Variants in LMBR1L observed in about 807,000 individuals in gnomAD.
The protein encoded by LMBR1L is limb development membrane protein 1 like.
A neutral mutation model predicts 67.3 loss-of-function variants in LMBR1L; 47 were observed. That is an observed-to-expected ratio of 0.70 (90% CI 0.55 to 0.89). LMBR1L has a LOEUF of 0.89. Among genes scored for constraint, LMBR1L ranks in the 40% least tolerant of loss-of-function variants. LMBR1L has a pLI of 0.00. For missense variants in LMBR1L, 533 were observed against 599.2 expected, an observed-to-expected ratio of 0.89 and a Z score of 1.15; for synonymous variants, 247 against 250.3, an observed-to-expected ratio of 0.99 and a Z score of 0.13.
intron 5 of LMBR1L, chr12:49,104,069 C>CCA (rs1565593148): frequency 6.0e-6 from 3 of 496,698 alleles, no homozygotes; most frequent in African/African-American, 5.8e-5. Context: ...GGCTGACCTC[C>CCA]GAGGTCTGCA....
At position 49,104,821 on chromosome 12, in the gene LMBR1L, T is replaced by C. The variant is rs749138304; in HGVS notation, c.256A>G (p.Ile86Val). 1 of 1,613,740 alleles carries C rather than the reference T, an allele frequency of 6.2e-7. No homozygotes were observed. The highest frequency in any genetic ancestry group is 1.1e-5 in the South Asian group (1 of 91,000). ...GAGAGCAGCACCTCATTGCTGATGA[T>C]GGAGAAGGGCAGGAGCAGGACAGCA... ...LGAVLLLPFSIISNEVLLSLP... is the reference protein window; with the variant it reads ...LGAVLLLPFSVISNEVLLSLP... The change falls in exon 4 of 17, where the codon ATC becomes GTC. Residue 86 changes from isoleucine (I) to valine (V), a missense_variant. Physicochemically the swap from Ile to Val is conservative, Grantham distance 29. Around this residue, in one of 3 missense-constraint regions of LMBR1L, gnomAD observed 246 missense variants for 249.0 expected, o/e 0.99. Transcript: ENST00000267102.
rs368949336 is a variant in LMBR1L, at chr12:49,101,533, A to G, written c.947T>C (p.Ile316Thr). 34 of 1,613,542 alleles carry G rather than the reference A, an allele frequency of 2.1e-5. No homozygotes were observed. Among genetic ancestry groups the G allele is most frequent in the South Asian group, 3.3e-5 (3 of 90,974 alleles). Residue 316 changes from isoleucine (I) to threonine (T), a missense_variant, in exon 12 of 17, where the codon ATT (isoleucine) becomes ACT (threonine). Ile to Thr is a moderately conservative substitution (Grantham distance 89). Around this residue, in one of 3 missense-constraint regions of LMBR1L, gnomAD observed 223 missense variants for 241.2 expected, o/e 0.92. Transcript: ENST00000267102. ...CAGCTCCAGGATGTGGATGGCCACAATGAGCACAGACAGGCCCTGTGTGAG... is the reference window on the plus strand; with the variant it reads ...CAGCTCCAGGATGTGGATGGCCACAGTGAGCACAGACAGGCCCTGTGTGAG... ...LLVLTGLSVL[I>T]VAIHILELLI...
At position 49,104,781 on chromosome 12, in the gene LMBR1L, T is replaced by C. The variant is rs763409817; in HGVS notation, c.296A>G (p.Tyr99Cys). The change falls in exon 4 of 17, where the codon TAC (tyrosine) becomes TGC (cysteine). Residue 99 changes from tyrosine to cysteine, a missense_variant. By Grantham distance (194) the Tyr-to-Cys change is radical (BLOSUM62 -2). This residue lies in a region of LMBR1L where 246 missense variants were observed against 249.0 expected (regional missense o/e 0.99). Transcript: ENST00000267102. ...NEVLLSLPRN[Y>C]YIQWLNGSLI... ...GGAGCCGTTGAGCCACTGGATGTAG[T>C]AGTTCCGAGGCAGGGAGAGCAGCAC... The C allele has an allele frequency of 6.2e-7, 1 of 1,613,628 alleles. No individual in the cohort carries two copies. Among genetic ancestry groups the C allele is most frequent in the South Asian group, 1.1e-5 (1 of 90,984 alleles).
chr12:49,105,222 C>T (rs1174107854), intron 3 of LMBR1L: 1 of 287,466 alleles, frequency 3.5e-6, no homozygotes, highest in African/African-American at 2.1e-5. Flanking sequence ...ACTAGGGGAC[C>T]TGGCTTCTCT....
At position 49,103,150 on chromosome 12, in the gene LMBR1L, T is replaced by A. The variant is rs1592211629; in HGVS notation, c.572A>T (p.Glu191Val). 5 of 1,613,614 alleles carry A rather than the reference T, an allele frequency of 3.1e-6. No homozygotes were observed. In the East Asian group the frequency reaches 1.1e-4, roughly 36 times the overall value. Residue 191 changes from glutamate to valine, a missense_variant, in exon 7 of 17, where the codon GAG (glutamate) becomes GTG (valine). Coordinates refer to ENST00000267102, the MANE Select transcript of LMBR1L (RefSeq NM_018113.4). ...ANRESLYDFW[E>V]YYLPYLYSCI... ...TGAGTAGAGGTAGGGGAGATAGTAC[T>A]CCCAAAAGTCTAAGGATAAAAAAAA...
chr12:49,109,164 C>T (rs1941260883), intron 1 of LMBR1L, among the ~76,000 whole-genome samples: 2 of 152,164 alleles, frequency 1.3e-5, no homozygotes, highest in South Asian at 4.1e-4. Flanking sequence ...TTCAGGCTAC[C>T]CTTAGCCAGC....
intron 1 of LMBR1L, among the ~76,000 whole-genome samples, chr12:49,108,752 C>CA (rs980755137): frequency 8.6e-5 from 13 of 151,314 alleles, no homozygotes; most frequent in African/African-American, 2.2e-4. Context: ...CTAAACAAAA[C>CA]AAAAAAAACA....
Position 49,104,461 on chromosome 12 carries a change from G to C in LMBR1L, c.422C>G (p.Ala141Gly). 1.2e-6 allele frequency: 2 copies of C among 1,610,816 alleles called. No homozygotes were observed. The highest frequency in any genetic ancestry group is 1.7e-6 in the Non-Finnish European group (2 of 1,176,992). ...TCCCCTACTTACCTTTCTGGAGCCAGCAAAGCCCTCAGACTCAGTGAAGAA... is the reference window on the plus strand; with the variant it reads ...TCCCCTACTTACCTTTCTGGAGCCACCAAAGCCCTCAGACTCAGTGAAGAA... ...AYFFTESEGF[A>G]GSRKGVLGRV... is the part of the protein sequence containing the mutation. Residue 141 changes from alanine to glycine, a missense_variant, in exon 5 of 17, where the codon GCT becomes GGT. Physicochemically the swap from Ala to Gly is moderately conservative, Grantham distance 60. Coordinates refer to ENST00000267102, the MANE Select transcript of LMBR1L (RefSeq NM_018113.4).
At chr12:49,109,760 G>A (rs912755692) in intron 1 of LMBR1L, 4 of 456,318 alleles carry the variant, frequency 8.8e-6, no homozygotes, top group Non-Finnish European at 1.8e-5. Context: ...TGTGCGCAAG[G>A]TTCAGTTGTC....
At chr12:49,106,585 T>C (rs1249917127) in intron 2 of LMBR1L, 3 of 1,319,314 alleles carry the variant, frequency 2.3e-6, no homozygotes, top group Admixed American at 2.3e-5. Flanking sequence ...GTCCTGGCTG[T>C]GGAAGCACTA....
At chr12:49,103,993 T>G in intron 5 of LMBR1L, 180 bp from the exon 6 acceptor site, 1 of 593,888 alleles carries the variant, frequency 1.7e-6, no homozygotes, top group South Asian at 2.3e-5. Flanking sequence ...TCACCCCACA[T>G]ACCAGGTGTT....
At chr12:49,103,848 A>C in intron 5 of LMBR1L, 35 bp from the exon 6 acceptor site, 1 of 1,588,624 alleles carries the variant, frequency 6.3e-7, no homozygotes, top group East Asian at 2.3e-5. Flanking sequence ...GAAGGTTAAC[A>C]TCAGGGCAGT....
rs567847132 is a variant in LMBR1L at position 49,103,307 on chromosome 12, A to C, written c.563-148T>G. ...AAGAAAGCTGGCCAGCATTAGCAGAATAGGGAGTGGCAGGGCCTATAGTAA... is the reference window on the plus strand; with the variant it reads ...AAGAAAGCTGGCCAGCATTAGCAGACTAGGGAGTGGCAGGGCCTATAGTAA... On this transcript the variant is annotated intron_variant, in intron 6 of 16. Transcript: ENST00000267102. The C allele has an allele frequency of 2.2e-4, 154 of 699,850 alleles. 1 individual carries two copies. The highest frequency in any genetic ancestry group is 2.0e-3 in the South Asian group (109 of 54,008). The allele number at this position is 699,850 out of a possible 1,614,324, so 43.4% of individuals were successfully genotyped here. A position where few individuals can be genotyped will look rare whatever the true frequency, so the allele number is the denominator to read the frequency against.
chr12:49,106,683 C>G, intron 2 of LMBR1L: 1 of 1,219,876 alleles, frequency 8.2e-7, no homozygotes, highest in Non-Finnish European at 1.1e-6. Context: ...TTCACATTAA[C>G]CATCTCCTTT....
At chr12:49,099,790 A>G (rs1939893956) in intron 15 of LMBR1L, among the ~76,000 whole-genome samples, 1 of 152,098 alleles carries the variant, frequency 6.6e-6, no homozygotes, top group Admixed American at 6.5e-5. Flanking sequence ...CATGTTGCTC[A>G]GGCTGGTCTC....
intron 11 of LMBR1L, chr12:49,101,798 AC>A (rs1940225524): frequency 1.7e-6 from 1 of 580,778 alleles, no homozygotes; most frequent in South Asian, 2.1e-5. Context: ...TCTTCCTTCA[AC>A]TGATGAGATC....
At chr12:49,104,419 T>G in intron 5 of LMBR1L, 29 bp downstream of exon 5, 1 of 1,455,030 alleles carries the variant, frequency 6.9e-7, no homozygotes, top group South Asian at 1.2e-5. Context: ...GAATTCCGTT[T>G]CCTGCCTGGA....
chr12:49,103,611 G>A (rs1391829393), intron 6 of LMBR1L, 76 bp downstream of exon 6: 1 of 1,521,472 alleles, frequency 6.6e-7, no homozygotes, highest in African/African-American at 1.4e-5. Flanking sequence ...CACTTTAGAA[G>A]GTTACAGTCA....
chr12:49,109,690 A>C, intron 1 of LMBR1L: 1 of 456,704 alleles, frequency 2.2e-6, no homozygotes, highest in Non-Finnish European at 4.4e-6. Context: ...AAGGCTGAGA[A>C]AGATATGACA....
Sources: allele counts gnomAD v4.1 joint callset (sites outside exome capture counted in the v4.1 genomes callset), GRCh38; gene constraint gnomAD v4.1.1; regional missense constraint gnomAD v4.1.1; transcripts MANE v1.5; gene names NCBI Gene and HGNC (gene_info 2026-07-23, HGNC 2026-07-21).